DENND2B: variants seen among roughly 807,000 people sequenced by gnomAD.
DENND2B encodes the protein DENN domain-containing protein 2B.
In DENND2B, 32 loss-of-function variants were observed where a neutral mutation model predicts 116.0. The ratio of observed to expected loss-of-function variants is 0.28; its 90% CI spans 0.21 to 0.37. DENND2B has a LOEUF of 0.37. DENND2B is among the 10% of genes least tolerant of loss of function. The pLI is 1.00. For missense variants in DENND2B, 1,276 were observed against 1,477.7 expected (o/e 0.86, Z 2.24); for synonymous variants, 588 against 583.9 (o/e 1.01, Z -0.10).
intron 2 of DENND2B, among the ~76,000 whole-genome samples, chr11:8,737,518 C>T (rs142751514): frequency 0.011 from 1,622 of 151,946 alleles, 24 homozygotes; most frequent in African/African-American, 0.036. Flanking sequence ...AAGGGAAGCA[C>T]GACTGGAAAA....
intron 3 of DENND2B, among the ~76,000 whole-genome samples, chr11:8,851,875 T>C (rs1213463191): frequency 6.6e-6 from 1 of 152,220 alleles, no homozygotes; most frequent in Admixed American, 6.5e-5. Flanking sequence ...TTGTGGGTGA[T>C]CTTTTTCCTA....
Position 8,750,818 on chromosome 11 carries a change from G to A in DENND2B, c.-25-93C>T, listed in dbSNP as rs563701948. On this transcript the variant is annotated intron_variant, in intron 1 of 19. Transcript: ENST00000313726. ...AGATGACCTCCAAAAGTGCCAAGAG[G>A]GTGTCTGTGGCAGGTAGTAGAAACT... The A allele has an allele frequency of 6.3e-6, 7 of 1,117,142 alleles. No homozygotes were observed. The African/African-American group carries it at 9.2e-5, about 15-fold the overall frequency. 69.2% of individuals were successfully genotyped at this position (1,117,142 alleles called of 1,614,324 possible). A position where few individuals can be genotyped will look rare whatever the true frequency, so the allele number is the denominator to read the frequency against.
At chr11:8,766,629 G>T (rs766664576) in intron 1 of DENND2B, 1 of 1,289,242 alleles carries the variant, frequency 7.8e-7, no homozygotes, top group African/African-American at 1.5e-5. Flanking sequence ...AGATCTGCAC[G>T]AAAATACCTT....
Position 8,712,771 on chromosome 11 carries a change from A to C in DENND2B, c.1988-36T>G. 1.3e-6 allele frequency: 2 copies of C among 1,584,698 alleles called. No individual in the cohort carries two copies. The highest frequency in any genetic ancestry group is 1.7e-6 in the Non-Finnish European group (2 of 1,166,144). ...GTTGCACATCAGGGAATGGACCCTC[A>C]CAGGCCTCATGTTAACTCCTCTACC... On this transcript the variant is annotated intron_variant, in intron 8 of 19. Transcript: ENST00000313726. This position sits in a 1 kb window ranked among gnomAD's most constrained non-coding sequence, Gnocchi z 4.4.
intron 2 of DENND2B, among the ~76,000 whole-genome samples, chr11:8,747,129 T>C (rs941236447): frequency 6.6e-6 from 1 of 152,210 alleles, no homozygotes; most frequent in Non-Finnish European, 1.5e-5. Context: ...TCTAGTTGAC[T>C]AATCAACAAA....
intron 3 of DENND2B, among the ~76,000 whole-genome samples, chr11:8,844,427 A>G (rs1264465536): frequency 6.6e-6 from 1 of 152,156 alleles, no homozygotes; most frequent in African/African-American, 2.4e-5. Context: ...AAAAATAAAT[A>G]AATATTTACA....
At chr11:8,769,062 T>G (rs1361606646) in intron 1 of DENND2B, among the ~76,000 whole-genome samples, 12 of 152,038 alleles carry the variant, frequency 7.9e-5, no homozygotes, top group African/African-American at 2.4e-4. Context: ...TGCCCCTCCT[T>G]GCTGCTCTTG....
intron 1 of DENND2B, among the ~76,000 whole-genome samples, chr11:8,881,382 A>G (rs1296716877): frequency 2.6e-5 from 4 of 151,970 alleles, no homozygotes; most frequent in African/African-American, 9.7e-5. Context: ...TGTGACTTCT[A>G]TGTTGGACCT....
intron 1 of DENND2B, among the ~76,000 whole-genome samples, chr11:8,898,452 A>G (rs78911750): frequency 0.023 from 3,531 of 152,330 alleles, 49 homozygotes; most frequent in Middle Eastern, 0.034. Context: ...TACACACTAC[A>G]GGAAAGAAAG....
At chr11:8,892,091 T>C (rs2064041393) in intron 1 of DENND2B, among the ~76,000 whole-genome samples, 1 of 152,098 alleles carries the variant, frequency 6.6e-6, no homozygotes, top group Non-Finnish European at 1.5e-5. Flanking sequence ...AGAAACTCAC[T>C]CAAAACTGTT....
chr11:8,707,815 C>T lies in DENND2B; in HGVS notation c.2392G>A (p.Val798Ile), dbSNP rs200029552. The change falls in exon 12 of 20, where the codon GTC (valine) becomes ATC (isoleucine). Residue 798 changes from valine (V) to isoleucine (I), a missense_variant. Physicochemically the swap from Val to Ile is conservative, Grantham distance 29 (BLOSUM62 3). Coordinates refer to ENST00000313726, the MANE Select transcript of DENND2B (RefSeq NM_213618.2). The surrounding 1 kb of genome is among the most constrained non-coding windows in gnomAD (Gnocchi z 4.8). ...CCGAAGCAGCCAAGGCGGCTGATGA[C>T]ACAGTACACCTCTGGCAACCGGGGC... The part of the protein sequence containing the change: ...KGPRLPEVYC[V>I]ISRLGCFGLF... 197 of 1,611,818 alleles carry T rather than the reference C, an allele frequency of 1.2e-4. 1 individual carries two copies. The East Asian group carries it at 3.0e-3, about 24-fold the overall frequency.
intron 2 of DENND2B, among the ~76,000 whole-genome samples, chr11:8,878,747 A>T (rs1187314025): frequency 6.6e-6 from 1 of 152,216 alleles, no homozygotes; most frequent in African/African-American, 2.4e-5. Context: ...AAAAGGAATA[A>T]CATTCTGATA....
chr11:8,718,191 C>T (rs992284752), intron 4 of DENND2B: 3 of 713,486 alleles, frequency 4.2e-6, no homozygotes, highest in Admixed American at 4.2e-5. Flanking sequence ...CTCAGCCACC[C>T]CTGCCTGTGC....
chr11:8,834,360 T>C lies in DENND2B; in HGVS notation c.-115+4950A>G, dbSNP rs561706791. On this transcript the variant is annotated intron_variant, in intron 4 of 6. Coordinates refer to the DENND2B transcript ENST00000524757. ...ATTAGACGCTTTCCATCCTAAGACC[T>C]GATACAGCATTGCAACAAGAATGTA... Among the ~76,000 whole-genome samples the C allele has an allele frequency of 6.6e-5, 10 of 152,354 alleles. No individual in the cohort carries two copies. The East Asian group carries it at 1.7e-3, about 26-fold the overall frequency.
intron 1 of DENND2B, chr11:8,808,987 G>C (rs1254371495): frequency 6.6e-6 from 1 of 152,204 alleles, no homozygotes; most frequent in Non-Finnish European, 1.5e-5. Context: ...AAATTGAAGA[G>C]CTCCAACTAC....
At chr11:8,776,131 G>T in intron 1 of DENND2B, 1 of 245,230 alleles carries the variant, frequency 4.1e-6, no homozygotes, top group Non-Finnish European at 8.8e-6. Flanking sequence ...CATGCACACA[G>T]ACACGCACGT....
chr11:8,875,224 G>A (rs1358963217), upstream of DENND2B, among the ~76,000 whole-genome samples: 1 of 151,502 alleles, frequency 6.6e-6, no homozygotes, highest in Non-Finnish European at 1.5e-5. Flanking sequence ...TTGGGAGGCT[G>A]AGGCAGGAGA....
intron 1 of DENND2B, chr11:8,785,031 T>A (rs927392273): frequency 6.6e-5 from 10 of 152,168 alleles, no homozygotes; most frequent in Admixed American, 3.3e-4. Context: ...TTTCTGGATG[T>A]AGTACCCCCT....
intron 1 of DENND2B, among the ~76,000 whole-genome samples, chr11:8,792,991 T>A (rs1729155023): frequency 6.6e-6 from 1 of 152,206 alleles, no homozygotes; most frequent in East Asian, 1.9e-4. Flanking sequence ...TGCTGTTCAT[T>A]ACAGTACTGC....
Sources: allele counts gnomAD v4.1 joint callset (sites outside exome capture counted in the v4.1 genomes callset), GRCh38; gene constraint gnomAD v4.1.1; non-coding constraint Gnocchi (gnomAD v3.1); transcripts MANE v1.5; gene names NCBI Gene and HGNC (gene_info 2026-07-23, HGNC 2026-07-21).